USP54: variants seen among roughly 807,000 people sequenced by gnomAD.
The protein encoded by USP54 is ubiquitin carboxyl-terminal hydrolase 54.
A neutral mutation model predicts 170.5 loss-of-function variants in USP54; 87 were observed. That is an observed-to-expected ratio of 0.51 (90% CI 0.43 to 0.61). USP54 has a LOEUF of 0.61. USP54 is among the 20% of genes least tolerant of loss of function. The pLI is 0.00. For missense variants in USP54, 1,786 were observed against 2,047.8 expected, an observed-to-expected ratio of 0.87 and a Z score of 2.47; for synonymous variants, 655 against 742.8, an observed-to-expected ratio of 0.88 and a Z score of 1.92.
intron 1 of USP54, among the ~76,000 whole-genome samples, chr10:73,599,173 G>C (rs2078976740): frequency 6.6e-6 from 1 of 152,176 alleles, no homozygotes; most frequent in Admixed American, 6.5e-5. Flanking sequence ...ATGATCAGTG[G>C]ATACAGTTAT....
chr10:73,526,879 C>T (rs772626731), intron 15 of USP54, 99 bp from the exon 16 acceptor site: 27 of 1,341,040 alleles, frequency 2.0e-5, no homozygotes, highest in Non-Finnish European at 2.6e-5. Context: ...AATCAAACTA[C>T]ACAATTAGAG....
Position 73,541,682 on chromosome 10 carries a change from C to T in USP54, c.629G>A (p.Gly210Asp). ...GGTGCTGGCATTCTGCAGCAGCTCA[C>T]CAAACATGCTTGGTGAAGGTTTCTC... is the stretch of plus-strand genomic sequence containing the variant. ...RREKPSPSMF[G>D]ELLQNASTMG... Residue 210 changes from glycine (G) to aspartate (D), a missense_variant, in exon 8 of 24, where the codon GGT (glycine) becomes GAT (aspartate). By Grantham distance (94) the Gly-to-Asp change is moderately conservative. Coordinates refer to ENST00000687698, the MANE Select transcript of USP54 (RefSeq NM_001391956.1). The T allele has an allele frequency of 6.2e-7, 1 of 1,614,050 alleles. No individual in the cohort carries two copies. Among genetic ancestry groups the T allele is most frequent in the South Asian group, 1.1e-5 (1 of 91,082 alleles).
intron 20 of USP54, among the ~76,000 whole-genome samples, chr10:73,514,620 G>A (rs1054142578): frequency 6.6e-6 from 1 of 151,900 alleles, no homozygotes; most frequent in African/African-American, 2.4e-5. Context: ...AGCTCACTGA[G>A]GCAGACTCCA....
intron 1 of USP54, among the ~76,000 whole-genome samples, chr10:73,612,713 A>T (rs2080244285): frequency 6.6e-6 from 1 of 151,824 alleles, no homozygotes; most frequent in Non-Finnish European, 1.5e-5. Flanking sequence ...GTGGTGGTGC[A>T]TGCCTGTACC....
intron 1 of USP54, among the ~76,000 whole-genome samples, 190 bp from the exon 2 acceptor site, chr10:73,576,551 A>G (rs1447829564): frequency 6.6e-6 from 1 of 152,136 alleles, no homozygotes; most frequent in Non-Finnish European, 1.5e-5. Flanking sequence ...AGAGAAGGAA[A>G]AAAAGGTATG....
intron 4 of USP54, among the ~76,000 whole-genome samples, chr10:73,569,516 T>C (rs2074574725): frequency 6.6e-6 from 1 of 152,118 alleles, no homozygotes; most frequent in South Asian, 2.1e-4. Context: ...GCGTGATGGC[T>C]CACGCCTGTA....
intron 1 of USP54, among the ~76,000 whole-genome samples, chr10:73,625,304 T>C (rs1375957035): frequency 6.9e-6 from 1 of 144,796 alleles, no homozygotes; most frequent in African/African-American, 2.6e-5. Flanking sequence ...TCCCAACTAA[T>C]ACTAGTTCAC....
chr10:73,592,939 C>G (rs1210281514), upstream of USP54, among the ~76,000 whole-genome samples: 1 of 152,234 alleles, frequency 6.6e-6, no homozygotes, highest in Admixed American at 6.5e-5. Context: ...ATTCCCTCTT[C>G]AAGACTGCAC....
At chr10:73,534,897 T>C (rs1271943672) in intron 11 of USP54, 127 bp from the exon 12 acceptor site, 6 of 802,476 alleles carry the variant, frequency 7.5e-6, no homozygotes, top group Non-Finnish European at 1.2e-5. Flanking sequence ...GTGAGAAGGA[T>C]ATGCTATACC....
rs370306838 is a variant in USP54, at chr10:73,541,504, C to A, written c.696G>T (p.Arg232Ser). 1.3e-5 allele frequency: 21 copies of A among 1,614,054 alleles called. No homozygotes were observed. In the East Asian group the frequency reaches 4.2e-4, roughly 33 times the overall value. The change falls in exon 9 of 24, where the codon AGG becomes AGT. Residue 232 changes from arginine (R) to serine (S), a missense_variant. Coordinates refer to ENST00000687698, the MANE Select transcript of USP54 (RefSeq NM_001391956.1). ...TCATCAACACACGGCGAATCCTGAT[C>A]CTCTCTCCACAGTTGCTCTGAAATA... The part of the protein sequence containing the change: ...LRNCPSNCGE[R>S]IRIRRVLMNA...
chr10:73,605,742 A>T (rs976038868), intron 1 of USP54, among the ~76,000 whole-genome samples: 1 of 152,166 alleles, frequency 6.6e-6, no homozygotes, highest in East Asian at 1.9e-4. Context: ...TCACAACAGG[A>T]CAAATACCAA....
At chr10:73,541,958 C>T in intron 7 of USP54, 1 of 565,034 alleles carries the variant, frequency 1.8e-6, no homozygotes, top group African/African-American at 1.9e-5. Context: ...ACTTTGCTGG[C>T]CAGTACTGAG....
intron 9 of USP54, among the ~76,000 whole-genome samples, chr10:73,541,052 T>C (rs1428623437): frequency 2.0e-5 from 3 of 152,180 alleles, no homozygotes; most frequent in African/African-American, 7.2e-5. Context: ...CCCTACTTTA[T>C]ACTCGTATAA....
chr10:73,582,723 A>G (rs74234154), intron 1 of USP54, among the ~76,000 whole-genome samples: 9 of 152,212 alleles, frequency 5.9e-5, no homozygotes, highest in Non-Finnish European at 1.3e-4. Flanking sequence ...CTTTAAGCTA[A>G]TTGACTTCAC....
At chr10:73,520,835 AGT>A in intron 18 of USP54, 71 bp downstream of exon 18, 1 of 1,600,340 alleles carries the variant, frequency 6.2e-7, no homozygotes, top group East Asian at 2.2e-5. Flanking sequence ...ATCCTGTCTG[AGT>A]GACAACACTA....
chr10:73,604,768 T>C (rs1314244651), intron 1 of USP54, among the ~76,000 whole-genome samples: 1 of 152,060 alleles, frequency 6.6e-6, no homozygotes, highest in Non-Finnish European at 1.5e-5. Flanking sequence ...TTGGTCTCGC[T>C]GACTTCAAGA....
intron 22 of USP54, among the ~76,000 whole-genome samples, chr10:73,501,445 A>C (rs538102796): frequency 1.4e-3 from 220 of 152,282 alleles, no homozygotes; most frequent in Non-Finnish European, 2.3e-3. Context: ...TAACATATCC[A>C]AAATTGAACC....
In USP54 at chr10:73,499,032, T is replaced by C. The variant is rs745833783; in HGVS notation, c.4652A>G (p.His1551Arg). 1.9e-6 allele frequency: 3 copies of C among 1,614,046 alleles called. No homozygotes were observed. The Admixed American group carries it at 5.0e-5, about 27-fold the overall frequency. The change falls in exon 24 of 24, where the codon CAT becomes CGT. Residue 1551 changes from histidine (H) to arginine (R), a missense_variant. His to Arg is a conservative substitution (Grantham distance 29, BLOSUM62 0). Around this residue, in one of 3 missense-constraint regions of USP54, gnomAD observed 1,418 missense variants for 1,569.0 expected, o/e 0.90. Transcript: ENST00000687698. ...SWAPWSETNQ[H>R]IGTRFLTTPG... ...AGTAGTCAGGAATCTGGTCCCAATA[T>C]GCTGGTTGGTCTCTGACCAGGGTGC...
chr10:73,553,349 C>T (rs1324254547), intron 4 of USP54: 1 of 152,116 alleles, frequency 6.6e-6, no homozygotes, highest in Admixed American at 6.6e-5. Context: ...TAGGAAGAAG[C>T]AAGTGTATTA....
Sources: gnomAD v4.1 joint callset for allele counts (sites outside exome capture counted in the v4.1 genomes callset) on GRCh38, gnomAD v4.1.1 for gene constraint, gnomAD v4.1.1 regional missense constraint, MANE v1.5 for transcripts, NCBI Gene and HGNC (gene_info 2026-07-23, HGNC 2026-07-21) for gene names.